PPFIA2: variants seen among roughly 807,000 people sequenced by gnomAD.
PPFIA2 encodes the protein liprin-alpha-2.
A neutral mutation model predicts 175.5 loss-of-function variants in PPFIA2; 46 were observed. The observed-to-expected ratio is 0.26, with a 90% CI of 0.21 to 0.34. The LOEUF (loss-of-function observed/expected upper bound fraction) is 0.34, where lower values mean the gene tolerates loss of function less well. Among genes scored for constraint, PPFIA2 ranks in the 10% least tolerant of loss-of-function variants. The pLI, the probability that PPFIA2 is intolerant of heterozygous loss-of-function variation, is 1.00. For missense variants in PPFIA2, 1,179 were observed against 1,506.1 expected, an observed-to-expected ratio of 0.78 and a Z score of 3.60; for synonymous variants, 568 against 511.4, an observed-to-expected ratio of 1.11 and a Z score of -1.49.
chr12:81,303,431 C>T (rs2048358533), intron 22 of PPFIA2, among the ~76,000 whole-genome samples: 1 of 152,102 alleles, frequency 6.6e-6, no homozygotes, highest in Admixed American at 6.6e-5. Flanking sequence ...AAGTGTCAGG[C>T]ATGGAGGTGT....
At chr12:81,613,565 A>G (rs1399945142) in intron 4 of PPFIA2, among the ~76,000 whole-genome samples, 1 of 152,128 alleles carries the variant, frequency 6.6e-6, no homozygotes, top group Non-Finnish European at 1.5e-5. Flanking sequence ...TCTATGATAC[A>G]CTGTGCAGTA....
chr12:81,758,703 T>G (rs2085067031), intron 1 of PPFIA2, 196 bp from the exon 2 acceptor site: 1 of 208,432 alleles, frequency 4.8e-6, no homozygotes, highest in Non-Finnish European at 1.0e-5. Context: ...TTCAGACCAT[T>G]GTCAAAGGAG....
intron 4 of PPFIA2, among the ~76,000 whole-genome samples, chr12:81,626,176 G>T (rs1007926554): frequency 1.3e-5 from 2 of 151,328 alleles, no homozygotes; most frequent in Non-Finnish European, 3.0e-5. Context: ...CCTAATTAAA[G>T]GAACATCAAA....
At chr12:81,366,933 T>G (rs576428875) in intron 14 of PPFIA2, among the ~76,000 whole-genome samples, 175 bp downstream of exon 14, 5 of 151,838 alleles carry the variant, frequency 3.3e-5, no homozygotes, top group Admixed American at 6.6e-5. Context: ...CAAAGATTCA[T>G]GAAGCTCTTC....
intron 5 of PPFIA2, among the ~76,000 whole-genome samples, chr12:81,447,102 T>C (rs1593127038): frequency 6.6e-6 from 1 of 152,074 alleles, no homozygotes; most frequent in Middle Eastern, 3.4e-3. Flanking sequence ...ATCGAGACCA[T>C]CCTGGCTAAC....
chr12:81,428,153 C>G (rs1429931118), intron 7 of PPFIA2, among the ~76,000 whole-genome samples: 1 of 151,732 alleles, frequency 6.6e-6, no homozygotes, highest in Non-Finnish European at 1.5e-5. Flanking sequence ...CAAACACGAT[C>G]TTACTATTAA....
At chr12:81,320,650 A>T (rs572465176) in intron 22 of PPFIA2, among the ~76,000 whole-genome samples, 21 of 152,188 alleles carry the variant, frequency 1.4e-4, no homozygotes, top group Non-Finnish European at 2.6e-4. Context: ...TACTAAAAAA[A>T]TTATATAATG....
At chr12:81,608,087 G>A (rs1315929850) in intron 4 of PPFIA2, among the ~76,000 whole-genome samples, 4 of 152,152 alleles carry the variant, frequency 2.6e-5, no homozygotes, top group Non-Finnish European at 5.9e-5. Context: ...CTTATGTGAT[G>A]AATCACATTT....
chr12:81,708,282 T>A (rs919301625), intron 3 of PPFIA2, among the ~76,000 whole-genome samples: 4 of 152,060 alleles, frequency 2.6e-5, no homozygotes, highest in Non-Finnish European at 5.9e-5. Flanking sequence ...AGAAAAATTT[T>A]AAAAACAGAG....
intron 11 of PPFIA2, among the ~76,000 whole-genome samples, chr12:81,371,690 C>A (rs956999845): frequency 6.6e-6 from 1 of 151,552 alleles, no homozygotes; most frequent in Non-Finnish European, 1.5e-5. Context: ...AAATAAAATA[C>A]CTCATTCAAG....
At chr12:81,320,538 G>A (rs1210290969) in intron 22 of PPFIA2, among the ~76,000 whole-genome samples, 1 of 151,834 alleles carries the variant, frequency 6.6e-6, no homozygotes, top group African/African-American at 2.4e-5. Context: ...TATCTTTATT[G>A]TAACTAAAGA....
At chr12:81,306,227 A>G (rs2049108491) in intron 22 of PPFIA2, among the ~76,000 whole-genome samples, 2 of 152,136 alleles carry the variant, frequency 1.3e-5, no homozygotes, top group East Asian at 3.9e-4. Flanking sequence ...TTAAAGAAAA[A>G]AAAAATCTGC....
intron 4 of PPFIA2, among the ~76,000 whole-genome samples, chr12:81,463,504 T>C (rs2055032683): frequency 6.6e-6 from 1 of 152,130 alleles, no homozygotes; most frequent in Admixed American, 6.6e-5. Context: ...CCACTCTATA[T>C]TTTGTCCTTT....
intron 21 of PPFIA2, among the ~76,000 whole-genome samples, chr12:81,328,815 TTTC>T (rs907204797): frequency 1.0e-4 from 8 of 79,672 alleles, no homozygotes; most frequent in South Asian, 1.3e-3. Context: ...TTTTTCTTTC[TTTC>T]TTTTTTTTTT....
At chr12:81,705,997 T>C (rs1413678229) in intron 3 of PPFIA2, among the ~76,000 whole-genome samples, 1 of 152,208 alleles carries the variant, frequency 6.6e-6, no homozygotes, top group Non-Finnish European at 1.5e-5. Flanking sequence ...AACAAAAATA[T>C]ACTATTAAAA....
chr12:81,566,259 C>T (rs1307065097), intron 4 of PPFIA2, among the ~76,000 whole-genome samples: 3 of 152,090 alleles, frequency 2.0e-5, no homozygotes, highest in Non-Finnish European at 1.5e-5. Flanking sequence ...CACGGTGGCT[C>T]ATGCCTGTAA....
In PPFIA2 at chr12:81,375,822, C is replaced by T; in HGVS notation, c.1105G>A (p.Ala369Thr). The T allele has an allele frequency of 6.2e-7, 1 of 1,609,784 alleles. No homozygotes were observed. Among genetic ancestry groups the T allele is most frequent in the Non-Finnish European group, 8.5e-7 (1 of 1,176,458 alleles). Residue 369 changes from alanine (A) to threonine (T), a missense_variant, in exon 10 of 33, where the codon GCA (alanine) becomes ACA (threonine). Physicochemically the swap from Ala to Thr is moderately conservative, Grantham distance 58 (BLOSUM62 0). Transcript: ENST00000549396. Reference sequence around the variant, plus strand: ...TGCCGCAGGATAGCTTCTTTATTTGCTAACTCATTTTCTAGTTTATCATTC... The same window carrying T: ...TGCCGCAGGATAGCTTCTTTATTTGTTAACTCATTTTCTAGTTTATCATTC... Reference protein sequence around the residue: ...DMNDKLENELANKEAILRQME... With the variant: ...DMNDKLENELTNKEAILRQME...
At chr12:81,450,764 G>A (rs577443835) in intron 5 of PPFIA2, among the ~76,000 whole-genome samples, 4 of 152,160 alleles carry the variant, frequency 2.6e-5, no homozygotes, top group Non-Finnish European at 5.9e-5. Flanking sequence ...GGTTTTTATG[G>A]TTTTAGGTCT....
At chr12:81,684,455 C>T (rs1410396709) in intron 3 of PPFIA2, among the ~76,000 whole-genome samples, 1 of 152,046 alleles carries the variant, frequency 6.6e-6, no homozygotes, top group Non-Finnish European at 1.5e-5. Context: ...GCTTGCCACA[C>T]AGTGGAGACT....
Sources: allele counts gnomAD v4.1 joint callset (sites outside exome capture counted in the v4.1 genomes callset), GRCh38; gene constraint gnomAD v4.1.1; transcripts MANE v1.5; gene names NCBI Gene and HGNC (gene_info 2026-07-23, HGNC 2026-07-21).